The following IKZF2 variants were observed in gnomAD, a reference collection of about 807,000 sequenced individuals.
IKZF2 encodes the protein IKAROS family zinc finger 2.
In IKZF2, 15 loss-of-function variants were observed where a neutral mutation model predicts 49.2. The observed-to-expected ratio is 0.30, with a 90% CI of 0.20 to 0.47. The LOEUF (loss-of-function observed/expected upper bound fraction) is 0.47, where lower values mean the gene tolerates loss of function less well. IKZF2 is among the 20% of genes least tolerant of loss of function. IKZF2 has a pLI of 1.00. For missense variants in IKZF2, 567 were observed against 664.6 expected (o/e 0.85, Z 1.61); for synonymous variants, 227 against 221.4 (o/e 1.03, Z -0.23).
intron 4 of IKZF2, among the ~76,000 whole-genome samples, chr2:213,116,635 G>A (rs1304812939): frequency 6.6e-6 from 1 of 152,150 alleles, no homozygotes; most frequent in East Asian, 1.9e-4. Flanking sequence ...CTACTTGGAA[G>A]GCTGAGGTGG....
chr2:213,024,752 A>C (rs1373649213), intron 6 of IKZF2, among the ~76,000 whole-genome samples: 1 of 152,088 alleles, frequency 6.6e-6, no homozygotes. Context: ...AGACATTGCC[A>C]ACAATCCCTG....
At chr2:213,049,213 A>C (rs1014169407) in intron 6 of IKZF2, among the ~76,000 whole-genome samples, 2 of 152,118 alleles carry the variant, frequency 1.3e-5, no homozygotes, top group South Asian at 4.1e-4. Context: ...AAGGAGAGTT[A>C]AAATTAGAAT....
chr2:213,057,833 A>G (rs1331411195), intron 4 of IKZF2, among the ~76,000 whole-genome samples: 1 of 152,188 alleles, frequency 6.6e-6, no homozygotes, highest in Middle Eastern at 3.2e-3. Context: ...TAATCACAGT[A>G]ATGGCATAGC....
chr2:213,087,770 C>T (rs558572225), intron 4 of IKZF2, among the ~76,000 whole-genome samples: 10 of 152,208 alleles, frequency 6.6e-5, no homozygotes, highest in South Asian at 4.1e-4. Context: ...TCTGTCCTTG[C>T]GATAGTTTGC....
chr2:213,141,285 C>T (rs2060860372), intron 4 of IKZF2, among the ~76,000 whole-genome samples: 1 of 151,936 alleles, frequency 6.6e-6, no homozygotes, highest in Non-Finnish European at 1.5e-5. Flanking sequence ...TATGCACCTG[C>T]CTAGAGACTG....
At chr2:213,120,867 A>G (rs551662737) in intron 4 of IKZF2, among the ~76,000 whole-genome samples, 103 of 152,230 alleles carry the variant, frequency 6.8e-4, no homozygotes, top group Non-Finnish European at 9.0e-4. Context: ...CAGCCCCTCA[A>G]GTAGCTGGGA....
intron 4 of IKZF2, among the ~76,000 whole-genome samples, chr2:213,085,661 G>A (rs1704493711): frequency 6.6e-6 from 1 of 152,174 alleles, no homozygotes; most frequent in Non-Finnish European, 1.5e-5. Flanking sequence ...AAACTGACCT[G>A]AGAAAAACAC....
chr2:213,079,485 GAAA>G (rs11307880), intron 4 of IKZF2, among the ~76,000 whole-genome samples: 1 of 141,068 alleles, frequency 7.1e-6, no homozygotes, highest in Non-Finnish European at 1.5e-5. Flanking sequence ...GGGGGAGAGA[GAAA>G]AAAAGAAAGA....
At chr2:213,078,090 C>G (rs915966605) in intron 4 of IKZF2, among the ~76,000 whole-genome samples, 69 of 152,100 alleles carry the variant, frequency 4.5e-4, no homozygotes, top group African/African-American at 1.6e-3. Context: ...CCTGTATCCT[C>G]AACTCTTCAA....
chr2:213,135,490 C>A (rs1005233345), intron 4 of IKZF2, among the ~76,000 whole-genome samples: 3 of 151,496 alleles, frequency 2.0e-5, no homozygotes, highest in African/African-American at 7.3e-5. Flanking sequence ...AGTTCAAGAC[C>A]AGCCTGGACA....
intron 4 of IKZF2, among the ~76,000 whole-genome samples, chr2:213,140,395 T>G (rs1430075324): frequency 1.3e-5 from 2 of 151,964 alleles, no homozygotes; most frequent in Admixed American, 1.3e-4. Context: ...TCTGCATATT[T>G]ATCTCAAAGT....
At chr2:213,040,191 A>G (rs542707972) in intron 6 of IKZF2, among the ~76,000 whole-genome samples, 1 of 150,330 alleles carries the variant, frequency 6.7e-6, no homozygotes, top group East Asian at 1.9e-4. Flanking sequence ...CTTTTATTTT[A>G]AGTTCAGAGG....
At position 213,000,245 on chromosome 2, in the gene IKZF2, T is replaced by A. The variant is rs943331130; in HGVS notation, c.*7115A>T. On this transcript the variant is annotated 3_prime_UTR_variant, in exon 9 of 9. Coordinates refer to ENST00000434687, the MANE Select transcript of IKZF2 (RefSeq NM_001387220.1). ...CAAGGTATGGAATTTTAACTTTACA[T>A]ATATATTTATATATATATATATATA... 1 of 25,850 alleles carries A rather than the reference T, an allele frequency of 3.9e-5. No homozygotes were observed. Among genetic ancestry groups the A allele is most frequent in the South Asian group, 7.9e-3 (1 of 126 alleles). 1.6% of individuals were successfully genotyped at this position (25,850 alleles called of 1,614,324 possible). A position where few individuals can be genotyped will look rare whatever the true frequency, so the allele number is the denominator to read the frequency against.
intron 4 of IKZF2, among the ~76,000 whole-genome samples, chr2:213,072,954 T>C (rs1306085020): frequency 6.6e-6 from 1 of 152,154 alleles, no homozygotes; most frequent in Non-Finnish European, 1.5e-5. Flanking sequence ...GGTCAATCAA[T>C]GTTTCCCTTT....
chr2:213,150,708 G>C (rs1288618041), intron 1 of IKZF2, among the ~76,000 whole-genome samples: 21 of 135,740 alleles, frequency 1.5e-4, no homozygotes, highest in East Asian at 4.9e-4. Context: ...GAAAAGGGGG[G>C]GGGGGCGGGT....
chr2:213,140,655 A>G (rs2060832526), intron 4 of IKZF2, among the ~76,000 whole-genome samples: 1 of 151,960 alleles, frequency 6.6e-6, no homozygotes, highest in African/African-American at 2.4e-5. Context: ...AAAATGTTGA[A>G]GAGCTTTTTG....
At chr2:213,049,380 T>C (rs1700467890) in intron 6 of IKZF2, among the ~76,000 whole-genome samples, 1 of 152,130 alleles carries the variant, frequency 6.6e-6, no homozygotes, top group African/African-American at 2.4e-5. Flanking sequence ...GATATTATAC[T>C]GGATCTTCAC....
At chr2:213,113,483 T>TA (rs1243506900) in intron 4 of IKZF2, among the ~76,000 whole-genome samples, 1 of 152,192 alleles carries the variant, frequency 6.6e-6, no homozygotes, top group Admixed American at 6.5e-5. Context: ...ATTTTACTAT[T>TA]ACATAAGCTT....
intron 4 of IKZF2, among the ~76,000 whole-genome samples, chr2:213,065,565 A>G (rs1460950750): frequency 6.6e-6 from 1 of 152,124 alleles, no homozygotes; most frequent in East Asian, 1.9e-4. Flanking sequence ...TCAAAATAAC[A>G]TTAATTAAAG....
Sources: gnomAD v4.1 joint callset for allele counts (sites outside exome capture counted in the v4.1 genomes callset) on GRCh38, gnomAD v4.1.1 for gene constraint, MANE v1.5 for transcripts, NCBI Gene and HGNC (gene_info 2026-07-23, HGNC 2026-07-21) for gene names.